The following RASEF variants were observed in gnomAD, a reference collection of about 807,000 sequenced individuals.
RASEF encodes the protein RAS and EF-hand domain containing.
A neutral mutation model predicts 90.1 loss-of-function variants in RASEF; 68 were observed. That is an observed-to-expected ratio of 0.75 (90% CI 0.62 to 0.92). The LOEUF is 0.92. RASEF is among the 40% of genes least tolerant of loss of function. RASEF has a pLI of 0.00. For missense variants in RASEF, 949 were observed against 937.2 expected (o/e 1.01, Z -0.16); for synonymous variants, 331 against 345.2 (o/e 0.96, Z 0.46).
At chr9:83,061,223 C>T (rs1365542629) in intron 1 of RASEF, among the ~76,000 whole-genome samples, 1 of 152,086 alleles carries the variant, frequency 6.6e-6, no homozygotes, top group Non-Finnish European at 1.5e-5. Flanking sequence ...CGTTACACAC[C>T]CACTTTCTCT....
At chr9:83,035,011 G>A (rs1829714545) in intron 1 of RASEF, among the ~76,000 whole-genome samples, 1 of 152,102 alleles carries the variant, frequency 6.6e-6, no homozygotes, top group African/African-American at 2.4e-5. Flanking sequence ...TCCATGTCTG[G>A]GTGGTGTTTC....
chr9:83,057,444 T>C (rs893715532), intron 1 of RASEF, among the ~76,000 whole-genome samples: 4 of 152,148 alleles, frequency 2.6e-5, no homozygotes, highest in African/African-American at 9.7e-5. Flanking sequence ...AGCAGAGTAA[T>C]GATACACATA....
rs981544502 is a variant in RASEF at position 82,982,187 on chromosome 9, T to C, written c.*490A>G. The C allele has an allele frequency of 6.5e-6, 1 of 153,116 alleles. No individual in the cohort carries two copies. Among genetic ancestry groups the C allele is most frequent in the Non-Finnish European group, 1.5e-5 (1 of 68,742 alleles). The allele number at this position is 153,116 out of a possible 1,614,324, so 9.5% of individuals were successfully genotyped here. A position where few individuals can be genotyped will look rare whatever the true frequency, so the allele number is the denominator to read the frequency against. ...GAGGGCAAGCTGCACATTTTACAGA[T>C]GAAGAAACAGATCCGACATGGGCTT... On this transcript the variant is annotated 3_prime_UTR_variant, in exon 17 of 17. Coordinates refer to ENST00000376447, the MANE Select transcript of RASEF (RefSeq NM_152573.4).
Position 83,062,720 on chromosome 9 carries a change from C to T in RASEF, c.148G>A (p.Val50Ile), listed in dbSNP as rs1199878518. The change falls in exon 1 of 17, where the codon GTA becomes ATA. Residue 50 changes from valine (V) to isoleucine (I), a missense_variant. By Grantham distance (29) the Val-to-Ile change is conservative. Coordinates refer to ENST00000376447, the MANE Select transcript of RASEF (RefSeq NM_152573.4). ...LRVRPADAEA[V>I]FQRLDADRDG... ...CGGTCGGCGTCCAGCCGCTGGAATACTGCCTCGGCGTCGGCCGGCCGCACC... is the reference window on the plus strand; with the variant it reads ...CGGTCGGCGTCCAGCCGCTGGAATATTGCCTCGGCGTCGGCCGGCCGCACC... 3.8e-6 allele frequency: 6 copies of T among 1,577,356 alleles called. No homozygotes were observed. The highest frequency in any genetic ancestry group is 5.1e-6 in the Non-Finnish European group (6 of 1,170,422).
intron 9 of RASEF, 44 bp from the exon 10 acceptor site, chr9:83,001,174 G>A (rs199926289): frequency 1.4e-6 from 2 of 1,434,840 alleles, no homozygotes; most frequent in Non-Finnish European, 1.9e-6. Flanking sequence ...GGCTGGAAAT[G>A]CTCAAGAACA....
rs763745166 is a variant in RASEF at position 82,997,034 on chromosome 9, C to T, written c.1898G>A (p.Arg633Gln). 5 of 1,603,514 alleles carry T rather than the reference C, an allele frequency of 3.1e-6. No homozygotes were observed. The highest frequency in any genetic ancestry group is 1.7e-5 in the Admixed American group (1 of 59,988). The change falls in exon 14 of 17, where the codon CGA (arginine) becomes CAA (glutamine). Residue 633 changes from arginine (R) to glutamine (Q), a missense_variant. Arg to Gln is a conservative substitution (Grantham distance 43). Around this residue, in one of 3 missense-constraint regions of RASEF, gnomAD observed 288 missense variants for 328.4 expected, o/e 0.88. Coordinates refer to ENST00000376447, the MANE Select transcript of RASEF (RefSeq NM_152573.4). ...TACCTCAATCATATCTACCCATTCTCGTATGTTAAGAAAGCTTTTCTCACA... is the reference window on the plus strand; with the variant it reads ...TACCTCAATCATATCTACCCATTCTTGTATGTTAAGAAAGCTTTTCTCACA... Reference protein sequence around the residue: ...VTCEKSFLNIREWVDMIEDAA... With the variant: ...VTCEKSFLNIQEWVDMIEDAA...
the RASEF span, among the ~76,000 whole-genome samples, chr9:83,112,416 G>A: frequency 4.3e-4 from 66 of 152,196 alleles, no homozygotes; most frequent in Non-Finnish European, 2.5e-4. Context: ...TGAGCGCGGC[G>A]GCTCACGCCT....
the RASEF span, among the ~76,000 whole-genome samples, chr9:83,208,827 G>C: frequency 3.3e-5 from 5 of 152,272 alleles, no homozygotes; most frequent in South Asian, 6.2e-4. Context: ...CTGAGCAGAG[G>C]GGGAGGATCA....
At chr9:83,008,547 G>A (rs1300052125) in intron 6 of RASEF, among the ~76,000 whole-genome samples, 1 of 151,898 alleles carries the variant, frequency 6.6e-6, no homozygotes, top group Admixed American at 6.6e-5. Flanking sequence ...TGTCTCACCA[G>A]ATGTTCTGTG....
intron 1 of RASEF, among the ~76,000 whole-genome samples, chr9:83,056,842 T>C (rs1185513158): frequency 6.6e-6 from 1 of 152,248 alleles, no homozygotes; most frequent in East Asian, 1.9e-4. Flanking sequence ...ATCATCTTTC[T>C]TCAAATTCTG....
chr9:83,205,493 T>C, the RASEF span, among the ~76,000 whole-genome samples: 5 of 152,322 alleles, frequency 3.3e-5, 1 homozygote, highest in South Asian at 1.0e-3. Context: ...CCAACTGGTA[T>C]TCCTTTTCTC....
rs779021695 is a variant in RASEF at position 83,007,429 on chromosome 9, G to A, written c.1028+8C>T. The A allele has an allele frequency of 1.5e-5, 24 of 1,595,520 alleles. No homozygotes were observed. The highest frequency in any genetic ancestry group is 5.5e-5 in the South Asian group (5 of 90,704). ...TAAATGTAATGAGCATTTGATCTGC[G>A]GACTTACTGGAGTATTTCAATTTGC... is the stretch of plus-strand genomic sequence containing the variant. On this transcript the variant is annotated splice_region_variant and intron_variant, in intron 7 of 16. Transcript: ENST00000376447.
At chr9:83,081,036 C>T in the RASEF span, among the ~76,000 whole-genome samples, 968 of 152,186 alleles carry the variant, frequency 6.4e-3, 13 homozygotes, top group African/African-American at 0.022. Flanking sequence ...TCTCTGTGTT[C>T]CAAGCCCCTA....
At chr9:83,132,571 A>G in the RASEF span, among the ~76,000 whole-genome samples, 4 of 152,228 alleles carry the variant, frequency 2.6e-5, no homozygotes, top group African/African-American at 9.6e-5. Context: ...AAGAGGTCTC[A>G]TAACAAAATT....
the RASEF span, among the ~76,000 whole-genome samples, chr9:83,145,081 C>G: frequency 6.6e-6 from 1 of 152,106 alleles, no homozygotes; most frequent in South Asian, 2.1e-4. Flanking sequence ...TTTGAAGCTA[C>G]CTTTTCAAGG....
At chr9:83,035,883 G>T (rs1341248524) in intron 1 of RASEF, among the ~76,000 whole-genome samples, 1 of 152,176 alleles carries the variant, frequency 6.6e-6, no homozygotes, top group African/African-American at 2.4e-5. Context: ...CTGTCCACAT[G>T]AAGCATCTAA....
chr9:83,133,120 GA>G, the RASEF span, among the ~76,000 whole-genome samples: 2 of 151,894 alleles, frequency 1.3e-5, no homozygotes, highest in African/African-American at 2.4e-5. Context: ...AAAGCTCTAA[GA>G]AAAAAAGAAA....
the RASEF span, among the ~76,000 whole-genome samples, chr9:83,080,040 C>T: frequency 6.6e-6 from 1 of 152,060 alleles, no homozygotes; most frequent in African/African-American, 2.4e-5. Flanking sequence ...TTTAATTTAC[C>T]ACTGGTTGGA....
intron 16 of RASEF, among the ~76,000 whole-genome samples, chr9:82,983,861 A>G (rs1828664223): frequency 6.6e-6 from 1 of 152,220 alleles, no homozygotes; most frequent in African/African-American, 2.4e-5. Flanking sequence ...AGCCACGAGA[A>G]GCACCCTGGT....
Sources: allele counts gnomAD v4.1 joint callset (sites outside exome capture counted in the v4.1 genomes callset), GRCh38; gene constraint gnomAD v4.1.1; regional missense constraint gnomAD v4.1.1; transcripts MANE v1.5; gene names NCBI Gene and HGNC (gene_info 2026-07-23, HGNC 2026-07-21).